The following DTHD1 variants were observed in gnomAD, a reference collection of about 807,000 sequenced individuals.
The protein encoded by DTHD1 is death domain containing 1, also known as death domain-containing protein 1.
In DTHD1, 59 loss-of-function variants were observed where a neutral mutation model predicts 74.8. The observed-to-expected ratio is 0.79, with a 90% CI of 0.64 to 0.98. The LOEUF (loss-of-function observed/expected upper bound fraction) is 0.98. DTHD1 is among the 50% of genes least tolerant of loss of function. DTHD1 has a pLI of 0.00. For missense variants in DTHD1, 1,051 were observed against 1,065.4 expected (o/e 0.99, Z 0.19); for synonymous variants, 365 against 371.1 (o/e 0.98, Z 0.19).
intron 1 of DTHD1, 148 bp from the exon 2 acceptor site, chr4:36,283,828 C>T (rs902066374): frequency 2.0e-5 from 12 of 613,022 alleles, no homozygotes; most frequent in Non-Finnish European, 2.8e-5. Flanking sequence ...ACAATTACTT[C>T]TCCTTCAGGA....
intron 2 of DTHD1, 105 bp from the exon 3 acceptor site, chr4:36,290,268 T>A (rs925041521): frequency 1.7e-6 from 2 of 1,204,580 alleles, no homozygotes; most frequent in African/African-American, 3.1e-5. Context: ...AGAACTGGAA[T>A]TCACACCAAG....
chr4:36,294,716 C>T (rs1756282028), intron 4 of DTHD1, 79 bp from the exon 5 acceptor site: 1 of 1,376,728 alleles, frequency 7.3e-7, no homozygotes, highest in Non-Finnish European at 9.5e-7. Flanking sequence ...ATAGAATTTT[C>T]AAAAAACTGG....
At chr4:36,305,342 C>T (rs1159629783) in intron 5 of DTHD1, among the ~76,000 whole-genome samples, 2 of 152,060 alleles carry the variant, frequency 1.3e-5, no homozygotes, top group Non-Finnish European at 2.9e-5. Context: ...GCCTTGCAAT[C>T]ATGGTGGAAG....
intron 5 of DTHD1, among the ~76,000 whole-genome samples, chr4:36,301,392 T>A (rs942167919): frequency 1.3e-5 from 2 of 152,026 alleles, no homozygotes; most frequent in Non-Finnish European, 2.9e-5. Context: ...ATTTTGGGAG[T>A]AGCTCATATC....
chr4:36,308,167 AT>A (rs1757166119), intron 6 of DTHD1, 36 bp from the exon 7 acceptor site: 6 of 1,535,362 alleles, frequency 3.9e-6, no homozygotes, highest in Non-Finnish European at 5.3e-6. Context: ...TTGACACTGC[AT>A]TTTTCCCTGG....
intron 8 of DTHD1, among the ~76,000 whole-genome samples, chr4:36,332,004 G>A (rs541735824): frequency 3.3e-5 from 5 of 152,068 alleles, no homozygotes; most frequent in South Asian, 2.1e-4. Context: ...CATTCTGGCC[G>A]GGCGCAGTAG....
chr4:36,317,562 T>A (rs1214564734), intron 8 of DTHD1, among the ~76,000 whole-genome samples: 1 of 152,198 alleles, frequency 6.6e-6, no homozygotes, highest in African/African-American at 2.4e-5. Flanking sequence ...AAAAATTAAC[T>A]TCCTCTTTTA....
At chr4:36,318,601 CT>C (rs1192599548) in intron 8 of DTHD1, among the ~76,000 whole-genome samples, 3 of 140,350 alleles carry the variant, frequency 2.1e-5, no homozygotes, top group Non-Finnish European at 4.6e-5. Flanking sequence ...TGTGCATTTT[CT>C]TTTTCTTTTC....
intron 7 of DTHD1, among the ~76,000 whole-genome samples, chr4:36,312,810 C>A (rs1757481890): frequency 6.6e-6 from 1 of 152,192 alleles, no homozygotes; most frequent in South Asian, 2.1e-4. Flanking sequence ...ATTGGAAAGA[C>A]TGCCTTTTCT....
chr4:36,334,341 T>A (rs952940205), intron 8 of DTHD1, among the ~76,000 whole-genome samples: 3 of 142,400 alleles, frequency 2.1e-5, no homozygotes, highest in South Asian at 4.4e-4. Context: ...AACCACTGCC[T>A]ACTTTTATTT....
chr4:36,299,521 C>T (rs982660749), intron 5 of DTHD1, among the ~76,000 whole-genome samples: 3 of 152,136 alleles, frequency 2.0e-5, no homozygotes, highest in Admixed American at 6.6e-5. Flanking sequence ...TTTCTGAATA[C>T]AATATATTGT....
At chr4:36,286,851 C>T (rs1208799431) in intron 2 of DTHD1, among the ~76,000 whole-genome samples, 1 of 152,168 alleles carries the variant, frequency 6.6e-6, no homozygotes, top group Non-Finnish European at 1.5e-5. Context: ...AGAAATGGTA[C>T]AGCAATAATA....
intron 8 of DTHD1, among the ~76,000 whole-genome samples, chr4:36,336,846 T>C (rs1759035526): frequency 2.0e-5 from 3 of 152,254 alleles, no homozygotes; most frequent in Admixed American, 2.0e-4. Flanking sequence ...GAGGTTGGGA[T>C]ACTCAGTTAC....
intron 7 of DTHD1, among the ~76,000 whole-genome samples, chr4:36,314,592 G>A (rs1757595999): frequency 6.6e-6 from 1 of 151,950 alleles, no homozygotes; most frequent in Non-Finnish European, 1.5e-5. Flanking sequence ...TGAGATGGGA[G>A]GACAGCTTGA....
intron 9 of DTHD1, 120 bp downstream of exon 9, chr4:36,339,289 A>G (rs1220847904): frequency 3.0e-6 from 2 of 663,816 alleles, no homozygotes; most frequent in South Asian, 6.0e-5. Context: ...AACAATCATT[A>G]ACTTTATTGG....
intron 8 of DTHD1, among the ~76,000 whole-genome samples, chr4:36,333,213 T>C (rs1578490845): frequency 6.6e-6 from 1 of 152,038 alleles, no homozygotes; most frequent in South Asian, 2.1e-4. Context: ...TAATTATATA[T>C]AGTACATGTT....
At chr4:36,328,964 T>C (rs764137740) in intron 8 of DTHD1, among the ~76,000 whole-genome samples, 17 of 152,218 alleles carry the variant, frequency 1.1e-4, no homozygotes, top group East Asian at 5.8e-4. Flanking sequence ...CTCAGTCAGT[T>C]AGAGACTTCA....
intron 8 of DTHD1, among the ~76,000 whole-genome samples, chr4:36,330,169 G>T (rs760838758): frequency 4.6e-5 from 7 of 152,064 alleles, no homozygotes; most frequent in African/African-American, 7.2e-5. Flanking sequence ...TTTGCTTAAG[G>T]GTACGAGTTT....
rs1418687531 is a variant in DTHD1, at chr4:36,344,794, G to C, written c.*970G>C. The C allele has an allele frequency of 6.6e-6, 1 of 152,066 alleles. No individual in the cohort carries two copies. Among genetic ancestry groups the C allele is most frequent in the Admixed American group, 6.6e-5 (1 of 15,262 alleles). The allele number at this position is 152,066 out of a possible 1,614,324, so 9.4% of individuals were successfully genotyped here. Reference sequence around the variant, plus strand: ...GAGAAGGGGCTTGTTCAGATAGTTGGGAGACTTAGAATTTTATTTTTGGTT... The same window carrying C: ...GAGAAGGGGCTTGTTCAGATAGTTGCGAGACTTAGAATTTTATTTTTGGTT... On this transcript the variant is annotated 3_prime_UTR_variant, in exon 10 of 10. Transcript: ENST00000639862.
Sources: allele counts gnomAD v4.1 joint callset (sites outside exome capture counted in the v4.1 genomes callset), GRCh38; gene constraint gnomAD v4.1.1; transcripts MANE v1.5; gene names NCBI Gene and HGNC (gene_info 2026-07-23, HGNC 2026-07-21).